The following HYDIN variants were observed in gnomAD, a reference collection of about 807,000 sequenced individuals.
HYDIN encodes the protein HYDIN axonemal central pair apparatus protein, also known as axonemal central pair apparatus protein HYDIN.
A neutral mutation model predicts 403.9 loss-of-function variants in HYDIN; 132 were observed. The ratio of observed to expected loss-of-function variants is 0.33; its 90% CI spans 0.28 to 0.38. The LOEUF is 0.38. Ranked by LOEUF, HYDIN falls within the 10% of genes least tolerant of loss-of-function variation. The probability of loss-of-function intolerance (pLI) is 1.00; values close to 1 mark genes in which losing one functional copy is unlikely to be tolerated. For missense variants in HYDIN, 2,827 were observed against 5,009.5 expected (o/e 0.56, Z 13.15); for synonymous variants, 1,202 against 1,891.7 (o/e 0.64, Z 9.46).
At chr16:71,214,215 T>C (rs775858464) in intron 1 of HYDIN, among the ~76,000 whole-genome samples, 1 of 152,080 alleles carries the variant, frequency 6.6e-6, no homozygotes, top group Non-Finnish European at 1.5e-5. Context: ...GAAATGATAA[T>C]ACATTATTAA....
intron 57 of HYDIN, among the ~76,000 whole-genome samples, chr16:70,891,358 T>C (rs1272704883): frequency 6.6e-6 from 1 of 152,072 alleles, no homozygotes; most frequent in Non-Finnish European, 1.5e-5. Flanking sequence ...TTGGCTAATT[T>C]TTGTATTGTT....
chr16:70,860,077 C>A lies in HYDIN; in HGVS notation c.12120G>T (p.Lys4040Asn), dbSNP rs1312869577. The A allele has an allele frequency of 6.2e-7, 1 of 1,610,878 alleles. No homozygotes were observed. Among genetic ancestry groups the A allele is most frequent in the Admixed American group, 1.7e-5 (1 of 59,904 alleles). Residue 4040 changes from lysine to asparagine, a missense_variant, in exon 71 of 86, where the codon AAG (lysine) becomes AAT (asparagine). Lys to Asn is a moderately conservative substitution (Grantham distance 94). Transcript: ENST00000393567. Reference sequence around the variant, plus strand: ...TCTCATCTGCACATACCTCGGCTTTCTTTTCAGGGTGGATGAAGCCCTTTT... The same window carrying A: ...TCTCATCTGCACATACCTCGGCTTTATTTTCAGGGTGGATGAAGCCCTTTT... ...LTEKGFIHPE[K>N]KAEIVFQFTP...
chr16:71,055,772 C>T (rs2081864045), intron 18 of HYDIN, among the ~76,000 whole-genome samples: 1 of 151,812 alleles, frequency 6.6e-6, no homozygotes, highest in Admixed American at 6.6e-5. Flanking sequence ...GTCTTGGTGC[C>T]ATCTGAGTCC....
chr16:71,132,570 T>C (rs1157338859), intron 8 of HYDIN: 2 of 48,018 alleles, frequency 4.2e-5, no homozygotes, highest in African/African-American at 1.8e-4. Context: ...AGGAGTGGGG[T>C]GTGGGGATGT....
chr16:71,183,936 G>A (rs965907467), intron 3 of HYDIN, among the ~76,000 whole-genome samples: 1 of 152,090 alleles, frequency 6.6e-6, no homozygotes, highest in Admixed American at 6.6e-5. Context: ...CTCATAGCCT[G>A]TTATGTGTTA....
At chr16:71,180,474 GAAAAGAAAAACAAA>G (rs1439747245) in intron 3 of HYDIN, among the ~76,000 whole-genome samples, 1 of 151,738 alleles carries the variant, frequency 6.6e-6, no homozygotes, top group Non-Finnish European at 1.5e-5. Flanking sequence ...CTGTCCCAAA[GAAAAGAAAAACAAA>G]AAAATGAAAT....
At chr16:70,875,055 T>C in intron 62 of HYDIN, 136 bp from the exon 63 acceptor site, 1 of 1,030,368 alleles carries the variant, frequency 9.7e-7, no homozygotes, top group Non-Finnish European at 1.3e-6. Context: ...TTTTTGAATT[T>C]CTTAAGAGAG....
chr16:70,974,533 C>T lies in HYDIN; in HGVS notation c.4909+1G>A. The T allele has an allele frequency of 6.2e-7, 1 of 1,608,024 alleles. No individual in the cohort carries two copies. Among genetic ancestry groups the T allele is most frequent in the Non-Finnish European group, 8.5e-7 (1 of 1,177,898 alleles). ...GGAAAGGGTCTCCCCAGCCTGGGTA[C>T]CTGTCTCATGAAGGACACGCTTGTC... On this transcript the variant is annotated splice_donor_variant, in intron 32 of 85. Transcript: ENST00000393567. LOFTEE classifies it high-confidence loss of function.
intron 18 of HYDIN, among the ~76,000 whole-genome samples, chr16:71,055,051 C>T (rs1406681815): frequency 6.6e-6 from 1 of 152,308 alleles, no homozygotes; most frequent in South Asian, 2.1e-4. Context: ...TTCTCCTGCC[C>T]TTTTAACAAA....
chr16:70,833,519 T>C (rs189715148), intron 79 of HYDIN, among the ~76,000 whole-genome samples: 1 of 134,368 alleles, frequency 7.4e-6, no homozygotes, highest in East Asian at 2.1e-4. Flanking sequence ...GTTGCCTCTG[T>C]TCTGGGTGGC....
intron 23 of HYDIN, among the ~76,000 whole-genome samples, chr16:71,009,721 G>A (rs1212487383): frequency 7.2e-6 from 1 of 137,986 alleles, no homozygotes; most frequent in Non-Finnish European, 1.5e-5. Context: ...GGGAGGCAGA[G>A]GGCCATGTTC....
chr16:70,869,886 T>TG (rs1241123973), intron 65 of HYDIN, among the ~76,000 whole-genome samples: 1 of 151,868 alleles, frequency 6.6e-6, no homozygotes, highest in East Asian at 1.9e-4. Flanking sequence ...CAGGAAAATG[T>TG]GGGAAAGTTT....
intron 45 of HYDIN, among the ~76,000 whole-genome samples, chr16:70,923,121 A>G (rs2077046010): frequency 2.7e-5 from 4 of 150,220 alleles, no homozygotes; most frequent in Admixed American, 2.0e-4. Flanking sequence ...AATTAATAAG[A>G]TAAGCATCAC....
chr16:70,931,984 C>T (rs1441376817), intron 45 of HYDIN, among the ~76,000 whole-genome samples: 2 of 118,476 alleles, frequency 1.7e-5, no homozygotes, highest in Admixed American at 2.2e-4. Context: ...GCACTGTAGC[C>T]TGGGCGACAG....
At chr16:70,991,535 C>T (rs1429556928) in intron 24 of HYDIN, 139 bp from the exon 25 acceptor site, 41 of 1,384,564 alleles carry the variant, frequency 3.0e-5, no homozygotes, top group South Asian at 1.4e-4. Context: ...TCAAGGGACA[C>T]CTTTCTCAAG....
chr16:71,031,416 T>C, intron 19 of HYDIN: 2 of 1,298,738 alleles, frequency 1.5e-6, no homozygotes, highest in Non-Finnish European at 2.0e-6. Flanking sequence ...GTAGCCAGTT[T>C]GAGAAAAGAA....
intron 1 of HYDIN, among the ~76,000 whole-genome samples, chr16:71,230,224 A>G (rs2041219294): frequency 6.6e-6 from 1 of 152,230 alleles, no homozygotes; most frequent in South Asian, 2.1e-4. Context: ...GGAACTGTAC[A>G]CCTAAAAGAG....
chr16:70,964,187 G>A (rs1222461539), intron 37 of HYDIN, among the ~76,000 whole-genome samples: 5 of 148,232 alleles, frequency 3.4e-5, no homozygotes, highest in Non-Finnish European at 6.0e-5. Context: ...ACAGCTCTGC[G>A]ATTGGAGTTT....
At chr16:70,964,534 G>A (rs113843104) in intron 37 of HYDIN, among the ~76,000 whole-genome samples, 194 bp downstream of exon 37, 749 of 151,216 alleles carry the variant, frequency 5.0e-3, no homozygotes, top group African/African-American at 0.017. Flanking sequence ...AGCAGAATGT[G>A]TTCCAGCCTC....
Sources: gnomAD v4.1 joint callset for allele counts (sites outside exome capture counted in the v4.1 genomes callset) on GRCh38, gnomAD v4.1.1 for gene constraint, MANE v1.5 for transcripts, NCBI Gene and HGNC (gene_info 2026-07-23, HGNC 2026-07-21) for gene names.